The following EFHC1 variants were observed in gnomAD, a reference collection of about 807,000 sequenced individuals.
EFHC1 encodes the protein EF-hand domain containing 1, also known as EF-hand domain-containing protein 1.
A neutral mutation model predicts 69.9 loss-of-function variants in EFHC1; 53 were observed. The observed-to-expected ratio is 0.76, with a 90% CI of 0.61 to 0.95. The LOEUF (loss-of-function observed/expected upper bound fraction) is 0.95. Among genes scored for constraint, EFHC1 ranks in the 40% least tolerant of loss-of-function variants. The pLI is 0.00. For synonymous variants in EFHC1, 256 were observed against 278.4 expected (o/e 0.92, Z 0.80); for missense variants, 739 against 798.7 (o/e 0.93, Z 0.90).
intron 3 of EFHC1, among the ~76,000 whole-genome samples, chr6:52,451,989 C>A (rs566232293): frequency 1.3e-5 from 2 of 152,286 alleles, no homozygotes; most frequent in South Asian, 4.1e-4. Flanking sequence ...ATAGGAATTA[C>A]ATATTGTTTG....
intron 2 of EFHC1, among the ~76,000 whole-genome samples, chr6:52,424,857 A>G (rs1764270402): frequency 6.6e-6 from 1 of 152,176 alleles, no homozygotes; most frequent in African/African-American, 2.4e-5. Flanking sequence ...CGTTATTCCA[A>G]CCCTCATCAG....
chr6:52,459,037 G>A (rs1765104387), intron 5 of EFHC1, among the ~76,000 whole-genome samples: 1 of 152,128 alleles, frequency 6.6e-6, no homozygotes, highest in Non-Finnish European at 1.5e-5. Flanking sequence ...TGGACACAAA[G>A]ACAGGAACAA....
intron 7 of EFHC1, among the ~76,000 whole-genome samples, chr6:52,477,799 G>A (rs1281816205): frequency 2.0e-5 from 3 of 152,220 alleles, no homozygotes; most frequent in African/African-American, 7.2e-5. Flanking sequence ...AGGATGTGGA[G>A]AAATAGGAAC....
intron 3 of EFHC1, among the ~76,000 whole-genome samples, chr6:52,449,015 T>G (rs576978005): frequency 6.6e-6 from 1 of 152,376 alleles, no homozygotes; most frequent in East Asian, 1.9e-4. Context: ...GGTATCAGAA[T>G]GATGCTGGCC....
At chr6:52,472,224 T>C (rs548483427) in intron 7 of EFHC1, among the ~76,000 whole-genome samples, 3 of 152,076 alleles carry the variant, frequency 2.0e-5, no homozygotes, top group Non-Finnish European at 4.4e-5. Flanking sequence ...TTAAAGGTTA[T>C]GTATGAAAAG....
chr6:52,420,865 G>T, intron 1 of EFHC1: 1 of 397,034 alleles, frequency 2.5e-6, no homozygotes, highest in South Asian at 2.5e-5. Flanking sequence ...TCCCTAGCTC[G>T]TTCTCTCACA....
Position 52,438,598 on chromosome 6 carries a change from C to A in EFHC1, c.573+7C>A. 1.9e-6 allele frequency: 3 copies of A among 1,613,748 alleles called. No homozygotes were observed. The highest frequency in any genetic ancestry group is 2.5e-6 in the Non-Finnish European group (3 of 1,179,780). On this transcript the variant is annotated splice_region_variant and intron_variant, in intron 3 of 10. Transcript: ENST00000371068. ...CTGTGACCAATTCACACAGGTATAGCATATATTTTTGAAAGTTGTGGGGTC... is the reference window on the plus strand; with the variant it reads ...CTGTGACCAATTCACACAGGTATAGAATATATTTTTGAAAGTTGTGGGGTC...
chr6:52,452,620 TAATCAG>T, intron 3 of EFHC1, 62 bp from the exon 4 acceptor site: 1 of 1,570,808 alleles, frequency 6.4e-7, no homozygotes, highest in East Asian at 2.2e-5. Context: ...TATTTTTATA[TAATCAG>T]TTTATAACTT....
At position 52,492,411 on chromosome 6, in the gene EFHC1, T is replaced by C. The variant is rs750308089; in HGVS notation, c.*70T>C. ...TGCTTTGAAATACACCTTACACTCTTCATAGAGGCATTTACAGGGTTCCTG... is the reference window on the plus strand; with the variant it reads ...TGCTTTGAAATACACCTTACACTCTCCATAGAGGCATTTACAGGGTTCCTG... On this transcript the variant is annotated 3_prime_UTR_variant, in exon 11 of 11. Coordinates refer to ENST00000371068, the MANE Select transcript of EFHC1 (RefSeq NM_018100.4). 7 of 1,438,742 alleles carry C rather than the reference T, an allele frequency of 4.9e-6. No individual in the cohort carries two copies. The highest frequency in any genetic ancestry group is 1.7e-5 in the Admixed American group (1 of 58,728). 89.1% of individuals were successfully genotyped at this position (1,438,742 alleles called of 1,614,324 possible).
chr6:52,454,934 AT>A (rs1282401659), intron 5 of EFHC1, among the ~76,000 whole-genome samples: 1 of 152,156 alleles, frequency 6.6e-6, no homozygotes, highest in African/African-American at 2.4e-5. Context: ...TCTACAAAAA[AT>A]ACAAAAATTA....
At chr6:52,488,216 A>G (rs987513442) in intron 9 of EFHC1, 3 of 152,210 alleles carry the variant, frequency 2.0e-5, no homozygotes, top group Non-Finnish European at 4.4e-5. Flanking sequence ...GCTTTCTGCC[A>G]CTAAAATAGC....
chr6:52,479,730 T>A lies in EFHC1; in HGVS notation c.1583T>A (p.Leu528His). The change falls in exon 9 of 11, where the codon CTC (leucine) becomes CAC (histidine). Residue 528 changes from leucine to histidine, a missense_variant. Leu to His is a moderately conservative substitution (Grantham distance 99). Coordinates refer to ENST00000371068, the MANE Select transcript of EFHC1 (RefSeq NM_018100.4). ...GCTGCCCAGTATTCACCAGAAGCAC[T>A]CGCGTCAATTCAGAACCATGTCCGA... ...SNAAQYSPEA[L>H]ASIQNHVRKR... The A allele has an allele frequency of 6.2e-7, 1 of 1,614,206 alleles. No individual in the cohort carries two copies. The highest frequency in any genetic ancestry group is 1.1e-5 in the South Asian group (1 of 91,082).
At chr6:52,432,622 C>T (rs900861007) in intron 2 of EFHC1, among the ~76,000 whole-genome samples, 1 of 152,144 alleles carries the variant, frequency 6.6e-6, no homozygotes, top group Non-Finnish European at 1.5e-5. Context: ...GCATTTGCCT[C>T]ACAGCTCTTA....
Position 52,454,186 on chromosome 6 carries a change from C to A in EFHC1, c.815C>A (p.Thr272Lys). The change falls in exon 5 of 11, where the codon ACG becomes AAG. Residue 272 changes from threonine to lysine, a missense_variant. Physicochemically the swap from Thr to Lys is moderately conservative, Grantham distance 78. Transcript: ENST00000371068. ...YIIHYYLMDDTVEIREVHERN... is the reference protein window; with the variant it reads ...YIIHYYLMDDKVEIREVHERN... ...ATTCATTACTATCTTATGGATGATA[C>A]GGTGGAAATTCGAGAGGTCCACGAA... 6.2e-7 allele frequency: 1 copy of A among 1,614,022 alleles called. No homozygotes were observed. The highest frequency in any genetic ancestry group is 8.5e-7 in the Non-Finnish European group (1 of 1,180,000).
rs770846427 is a variant in EFHC1, at chr6:52,490,277, A to G, written c.1778A>G (p.Tyr593Cys). The change falls in exon 10 of 11, where the codon TAT (tyrosine) becomes TGT (cysteine). Residue 593 changes from tyrosine to cysteine, a missense_variant. Tyr to Cys is a radical substitution (Grantham distance 194). Transcript: ENST00000371068. Reference protein sequence around the residue: ...FQIYDKEASGYVDRDMFFKIC... With the variant: ...FQIYDKEASGCVDRDMFFKIC... ...ATTTATGACAAGGAAGCTTCAGGAT[A>G]TGTGGACAGAGACATGTTCTTTAAA... The G allele has an allele frequency of 1.9e-6, 3 of 1,614,174 alleles. No homozygotes were observed. The highest frequency in any genetic ancestry group is 3.3e-5 in the Admixed American group (2 of 60,020).
intron 3 of EFHC1, among the ~76,000 whole-genome samples, chr6:52,448,089 T>C (rs1252948406): frequency 1.3e-5 from 2 of 152,214 alleles, no homozygotes; most frequent in African/African-American, 4.8e-5. Flanking sequence ...ACCACTACTC[T>C]CTTCAAAGCT....
chr6:52,480,213 G>C (rs1765645438), intron 9 of EFHC1: 2 of 277,402 alleles, frequency 7.2e-6, no homozygotes, highest in East Asian at 1.8e-4. Flanking sequence ...AAAATAATAA[G>C]AAAGAGAAAA....
intron 2 of EFHC1, among the ~76,000 whole-genome samples, chr6:52,433,039 A>C (rs1206314551): frequency 1.3e-5 from 2 of 151,500 alleles, no homozygotes; most frequent in Non-Finnish European, 2.9e-5. Context: ...TGAAGTTTTT[A>C]TTGTTTTTTA....
intron 5 of EFHC1, among the ~76,000 whole-genome samples, chr6:52,458,961 G>A (rs551589461): frequency 3.9e-5 from 6 of 152,324 alleles, no homozygotes; most frequent in Admixed American, 6.5e-5. Context: ...TTGCAGCAAC[G>A]TGGATGCAGG....
Sources: allele counts gnomAD v4.1 joint callset (sites outside exome capture counted in the v4.1 genomes callset), GRCh38; gene constraint gnomAD v4.1.1; transcripts MANE v1.5; gene names NCBI Gene and HGNC (gene_info 2026-07-23, HGNC 2026-07-21).